NUBPL: variants seen among roughly 807,000 people sequenced by gnomAD.
The protein encoded by NUBPL is iron-sulfur cluster transfer protein NUBPL.
In NUBPL, 31 loss-of-function variants were observed where a neutral mutation model predicts 45.7. The observed-to-expected ratio is 0.68, with a 90% CI of 0.51 to 0.92. NUBPL has a LOEUF of 0.92. Among genes scored for constraint, NUBPL ranks in the 40% least tolerant of loss-of-function variants. The pLI is 0.00. For missense variants in NUBPL, 401 were observed against 398.7 expected (o/e 1.01, Z -0.05); for synonymous variants, 144 against 140.9 (o/e 1.02, Z -0.15).
At chr14:31,753,718 A>G (rs770078399) in intron 6 of NUBPL, among the ~76,000 whole-genome samples, 3 of 152,136 alleles carry the variant, frequency 2.0e-5, no homozygotes, top group Non-Finnish European at 4.4e-5. Flanking sequence ...GACTAAAGGC[A>G]GCTTCCTATC....
intron 4 of NUBPL, among the ~76,000 whole-genome samples, chr14:31,666,265 T>TATA (rs1566487244): frequency 6.9e-5 from 2 of 28,896 alleles, no homozygotes; most frequent in African/African-American, 1.6e-4. Flanking sequence ...ATATATATAA[T>TATA]TTTATTTTAT....
intron 8 of NUBPL, among the ~76,000 whole-genome samples, chr14:31,831,514 A>ATACCATACCG (rs1388652166): frequency 1.4e-5 from 2 of 148,028 alleles, no homozygotes; most frequent in Non-Finnish European, 2.9e-5. Flanking sequence ...ATACCATACC[A>ATACCATACCG]TACTATACTC....
chr14:31,760,126 A>AGTGTGTGTGTGTGTGTGTGTGTGTGT (rs147699444), intron 6 of NUBPL, among the ~76,000 whole-genome samples: 7 of 29,814 alleles, frequency 2.3e-4, no homozygotes, highest in African/African-American at 5.0e-4. Context: ...TTCTGACTTT[A>AGTGTGTGTGTGTGTGTGTGTGTGTGT]GTGTGTGTGT....
At chr14:31,793,844 T>A (rs867128224) in intron 7 of NUBPL, among the ~76,000 whole-genome samples, 38 of 126,296 alleles carry the variant, frequency 3.0e-4, no homozygotes, top group East Asian at 2.1e-3. Context: ...TTTTTTTATT[T>A]TTTTTTTTAT....
At position 31,787,790 on chromosome 14, in the gene NUBPL, G is replaced by A. The variant is rs1244261077; in HGVS notation, c.524G>A (p.Gly175Asp). Residue 175 changes from glycine to aspartate, a missense_variant, in exon 7 of 11, where the codon GGT (glycine) becomes GAT (aspartate). Transcript: ENST00000281081. ...ATGTCATCTTTTTAGGTAGATTGGG[G>A]TCAACTGGACTACTTAGTTGTAGAC... ...IEKLLRQVDW[G>D]QLDYLVVDMP... The A allele has an allele frequency of 5.0e-6, 8 of 1,609,498 alleles. No individual in the cohort carries two copies. In the East Asian group the frequency reaches 1.8e-4, roughly 36 times the overall value.
intron 6 of NUBPL, among the ~76,000 whole-genome samples, chr14:31,737,265 C>T (rs763356037): frequency 6.6e-6 from 1 of 152,070 alleles, no homozygotes. Flanking sequence ...TTGATTGTGT[C>T]AGCTTTTACA....
At chr14:31,765,327 A>G (rs1277264772) in intron 6 of NUBPL, among the ~76,000 whole-genome samples, 1 of 152,254 alleles carries the variant, frequency 6.6e-6, no homozygotes, top group Non-Finnish European at 1.5e-5. Flanking sequence ...TTTTAAAATT[A>G]CACATTCAGA....
At chr14:31,682,635 A>G (rs2036860193) in intron 6 of NUBPL, among the ~76,000 whole-genome samples, 1 of 152,098 alleles carries the variant, frequency 6.6e-6, no homozygotes, top group Admixed American at 6.5e-5. Context: ...AATTCCATTT[A>G]AATTCTCCAT....
At chr14:31,783,579 G>A (rs749162231) in intron 6 of NUBPL, among the ~76,000 whole-genome samples, 40 of 146,916 alleles carry the variant, frequency 2.7e-4, no homozygotes, top group Non-Finnish European at 3.9e-4. Flanking sequence ...ATGCAGTGGC[G>A]CAGCCTTGGT....
Position 31,562,222 on chromosome 14 carries a change from T to C in NUBPL, c.256+7T>C. On this transcript the variant is annotated splice_region_variant and intron_variant, in intron 2 of 10. Coordinates refer to ENST00000281081, the MANE Select transcript of NUBPL (RefSeq NM_025152.3). ...GGAAAATCTACTACAGCAGGTATTA[T>C]AGGATATTAATTCTATTCCTGATTA... 1 of 1,611,934 alleles carries C rather than the reference T, an allele frequency of 6.2e-7. No homozygotes were observed. The highest frequency in any genetic ancestry group is 1.1e-5 in the South Asian group (1 of 90,806).
intron 3 of NUBPL, among the ~76,000 whole-genome samples, chr14:31,568,620 A>G (rs1191462835): frequency 6.6e-6 from 1 of 152,220 alleles, no homozygotes; most frequent in Non-Finnish European, 1.5e-5. Context: ...AGGATTTGAC[A>G]TTTTCAGTGA....
intron 7 of NUBPL, among the ~76,000 whole-genome samples, chr14:31,812,467 T>C (rs1001725409): frequency 1.3e-5 from 2 of 152,138 alleles, no homozygotes; most frequent in Admixed American, 6.5e-5. Context: ...TCTCCTGGTG[T>C]GTAGTTTGCT....
At chr14:31,623,845 G>A (rs2035134464) in intron 4 of NUBPL, among the ~76,000 whole-genome samples, 2 of 152,160 alleles carry the variant, frequency 1.3e-5, no homozygotes, top group East Asian at 1.9e-4. Context: ...AAGTCTTTGA[G>A]GTTGAGTTGC....
chr14:31,708,820 G>A (rs1349927290), intron 6 of NUBPL, among the ~76,000 whole-genome samples: 2 of 152,224 alleles, frequency 1.3e-5, no homozygotes, highest in Non-Finnish European at 2.9e-5. Context: ...CTGACCCAGA[G>A]AACCTTTGTT....
chr14:31,809,365 A>G (rs2039754977), intron 7 of NUBPL, among the ~76,000 whole-genome samples: 1 of 152,136 alleles, frequency 6.6e-6, no homozygotes, highest in African/African-American at 2.4e-5. Flanking sequence ...GTGTTCAGGA[A>G]TTTATCCATT....
chr14:31,688,887 C>T (rs1051737762), intron 6 of NUBPL, among the ~76,000 whole-genome samples: 2 of 152,106 alleles, frequency 1.3e-5, no homozygotes, highest in South Asian at 2.1e-4. Context: ...CATCATTTAG[C>T]TCCTACTTAA....
chr14:31,665,913 C>T (rs956053153), intron 4 of NUBPL, among the ~76,000 whole-genome samples: 1 of 151,968 alleles, frequency 6.6e-6, no homozygotes, highest in Non-Finnish European at 1.5e-5. Flanking sequence ...TCCGGGTGCT[C>T]CTGTATTGGG....
In NUBPL at chr14:31,775,387, C is replaced by T. The variant is rs142240662; in HGVS notation, c.514-12393C>T. Among the ~76,000 whole-genome samples the T allele has an allele frequency of 2.1e-3, 318 of 152,292 alleles. 1 individual carries two copies. Among genetic ancestry groups the T allele is most frequent in the African/African-American group, 7.3e-3 (304 of 41,548 alleles). ...GAGCCGAGATCATGCCATTGCACAT[C>T]AGCCTGGGCGACAAGAGCAAAACTC... On this transcript the variant is annotated intron_variant, in intron 6 of 10. Transcript: ENST00000281081.
intron 6 of NUBPL, among the ~76,000 whole-genome samples, chr14:31,693,396 T>C (rs1250296024): frequency 6.6e-6 from 1 of 152,220 alleles, no homozygotes; most frequent in Non-Finnish European, 1.5e-5. Context: ...CCATTTTTCT[T>C]CCTTTGACAT....
Sources: allele counts gnomAD v4.1 joint callset (sites outside exome capture counted in the v4.1 genomes callset), GRCh38; gene constraint gnomAD v4.1.1; transcripts MANE v1.5; gene names NCBI Gene and HGNC (gene_info 2026-07-23, HGNC 2026-07-21).